Variants in PWWP3A observed in about 807,000 individuals in gnomAD.
The protein encoded by PWWP3A is PWWP domain containing 3A, DNA repair factor.
Under a neutral mutation model 79.0 loss-of-function variants are expected in PWWP3A, and 53 were observed. The ratio of observed to expected loss-of-function variants is 0.67; its 90% CI spans 0.54 to 0.84. PWWP3A has a LOEUF of 0.84. Among genes scored for constraint, PWWP3A ranks in the 40% least tolerant of loss-of-function variants. The pLI is 0.00. For missense variants in PWWP3A, 973 were observed against 948.0 expected (o/e 1.03, Z -0.35); for synonymous variants, 443 against 394.4 (o/e 1.12, Z -1.46).
rs908028639 is a variant in PWWP3A, at chr19:1,363,486, A to G, written c.1214-1023A>G. On this transcript the variant is annotated intron_variant, in intron 6 of 13. Transcript: ENST00000591337. ...AATCATTTCTGCAGGATCCGTTCGCACACACGAAGAGCACAGTGCCCTCGG... is the reference window on the plus strand; with the variant it reads ...AATCATTTCTGCAGGATCCGTTCGCGCACACGAAGAGCACAGTGCCCTCGG... Among the ~76,000 whole-genome samples the G allele has an allele frequency of 2.6e-5, 4 of 152,156 alleles. No individual in the cohort carries two copies. In the South Asian group the frequency reaches 6.2e-4, roughly 24 times the overall value.
chr19:1,376,906 C>T lies in PWWP3A; in HGVS notation c.*330C>T, dbSNP rs1054992391. ...CTGTGGTTTCTCCCGACGTGCACATCGATCTCGTATGTGTGGCATCTGATA... is the reference window on the plus strand; with the variant it reads ...CTGTGGTTTCTCCCGACGTGCACATTGATCTCGTATGTGTGGCATCTGATA... On this transcript the variant is annotated 3_prime_UTR_variant, in exon 14 of 14. Coordinates refer to ENST00000591337, the MANE Select transcript of PWWP3A (RefSeq NM_001369789.1). 17 of 224,010 alleles carry T rather than the reference C, an allele frequency of 7.6e-5. No homozygotes were observed. Among genetic ancestry groups the T allele is most frequent in the African/African-American group, 3.5e-4 (15 of 43,184 alleles). The allele number at this position is 224,010 out of a possible 1,614,324, so 13.9% of individuals were successfully genotyped here.
intron 13 of PWWP3A, among the ~76,000 whole-genome samples, chr19:1,375,438 C>T (rs1382735830): frequency 2.3e-5 from 3 of 127,936 alleles, no homozygotes; most frequent in Non-Finnish European, 3.1e-5. Flanking sequence ...TATATATAGC[C>T]ATATATATTT....
chr19:1,374,662 G>T (rs559069591), intron 13 of PWWP3A, among the ~76,000 whole-genome samples: 1 of 152,260 alleles, frequency 6.6e-6, no homozygotes, highest in African/African-American at 2.4e-5. Context: ...TGCTGAGAGG[G>T]GTTGCTAGCT....
intron 4 of PWWP3A, 155 bp downstream of exon 4, chr19:1,358,619 G>C: frequency 6.4e-7 from 1 of 1,555,192 alleles, no homozygotes; most frequent in Non-Finnish European, 8.6e-7. Flanking sequence ...GAAGGAGAAG[G>C]AAAAATGGAT....
chr19:1,367,095 G>A, intron 8 of PWWP3A, 65 bp from the exon 9 acceptor site: 1 of 1,343,790 alleles, frequency 7.4e-7, no homozygotes, highest in African/African-American at 1.5e-5. Context: ...TCAGAGACAG[G>A]GAAAGGTTTT....
rs1600120188 is a variant in PWWP3A, at chr19:1,369,725, G to A, written c.1549+79G>A. On this transcript the variant is annotated intron_variant, in intron 11 of 13. Coordinates refer to ENST00000591337, the MANE Select transcript of PWWP3A (RefSeq NM_001369789.1). This position sits in a 1 kb window ranked among gnomAD's most constrained non-coding sequence, Gnocchi z 4.0. ...AAAACAATCTTCTATGTCTGAAGCT[G>A]TGGAAGGGGACGTTGGGGTCAAGGC... The A allele has an allele frequency of 6.7e-7, 1 of 1,499,288 alleles. No individual in the cohort carries two copies. Among genetic ancestry groups the A allele is most frequent in the South Asian group, 1.1e-5 (1 of 88,770 alleles). 92.9% of individuals were successfully genotyped at this position (1,499,288 alleles called of 1,614,324 possible). A position where few individuals can be genotyped will look rare whatever the true frequency, so the allele number is the denominator to read the frequency against.
At position 1,360,672 on chromosome 19, in the gene PWWP3A, G is replaced by C; in HGVS notation, c.751G>C (p.Ala251Pro). 6.2e-7 allele frequency: 1 copy of C among 1,613,206 alleles called. No homozygotes were observed. ...CATGGGGAGCAAAGGAGGCAGCTGG[G>C]CAGCCCCGTCCTTGCCCTCCGGGGT... Reference protein sequence around the residue: ...RDMGSKGGSWAAPSLPSGVRE... With the variant: ...RDMGSKGGSWPAPSLPSGVRE... Residue 251 changes from alanine to proline, a missense_variant, in exon 5 of 14, where the codon GCA (alanine) becomes CCA (proline). Coordinates refer to ENST00000591337, the MANE Select transcript of PWWP3A (RefSeq NM_001369789.1). The surrounding 1 kb of genome is among the most constrained non-coding windows in gnomAD (Gnocchi z 4.4).
chr19:1,358,749 C>T (rs768200930), intron 4 of PWWP3A: 49 of 1,241,506 alleles, frequency 3.9e-5, no homozygotes, highest in Middle Eastern at 3.8e-4. Flanking sequence ...GTACACAAGA[C>T]GAGGAAGGAC....
In PWWP3A at chr19:1,370,968, G is replaced by T; in HGVS notation, c.1876G>T (p.Asp626Tyr). The part of the protein sequence containing the change: ...ETYLEDEGQL[D>Y]LVVKYLQGVY... ...CTACCTGGAGGATGAGGGGCAGCTG[G>T]ACCTGGTGGTGAAGTACCTGCAGGG... The change falls in exon 12 of 14, where the codon GAC becomes TAC. Residue 626 changes from aspartate to tyrosine, a missense_variant. Asp to Tyr is a radical substitution (Grantham distance 160). Transcript: ENST00000591337. 1 of 1,561,648 alleles carries T rather than the reference G, an allele frequency of 6.4e-7. No individual in the cohort carries two copies.
Position 1,360,382 on chromosome 19 carries a change from C to G in PWWP3A, c.461C>G (p.Pro154Arg). The stretch of plus-strand genomic sequence containing the variant: ...AGTTCCAGACCTCACAGGAGGAGGC[C>G]ATGTGTGCAACAAAGCCTGTCAAGT... The part of the protein sequence containing the change: ...LGSSRPHRRR[P>R]CVQQSLSSSF... The change falls in exon 5 of 14, where the codon CCA becomes CGA. Residue 154 changes from proline (P) to arginine (R), a missense_variant. Pro to Arg is a moderately radical substitution (Grantham distance 103). Coordinates refer to ENST00000591337, the MANE Select transcript of PWWP3A (RefSeq NM_001369789.1). The surrounding 1 kb of genome is among the most constrained non-coding windows in gnomAD (Gnocchi z 4.4). 6.2e-7 allele frequency: 1 copy of G among 1,614,096 alleles called. No individual in the cohort carries two copies. The highest frequency in any genetic ancestry group is 8.5e-7 in the Non-Finnish European group (1 of 1,180,034).
rs764431506 is a variant in PWWP3A, at chr19:1,371,328, A to G, written c.1986+250A>G. 5.7e-6 allele frequency: 4 copies of G among 707,494 alleles called. No individual in the cohort carries two copies. In the African/African-American group the frequency reaches 7.0e-5, roughly 12 times the overall value. 43.8% of individuals were successfully genotyped at this position (707,494 alleles called of 1,614,324 possible). ...GAGATGGAGCTGCTTAGAAGCTGTC[A>G]GCACCAGGGGGTGCGAACTCCCTCC... On this transcript the variant is annotated intron_variant, in intron 12 of 13. Transcript: ENST00000591337.
intron 3 of PWWP3A, 77 bp downstream of exon 3, chr19:1,357,171 C>T (rs573329525): frequency 9.3e-7 from 1 of 1,074,250 alleles, no homozygotes; most frequent in South Asian, 1.5e-5. Flanking sequence ...TCCCCCAAAA[C>T]AGTTGAAGCC....
In PWWP3A at chr19:1,373,082, G is replaced by C. The variant is rs768909887; in HGVS notation, c.1997G>C (p.Cys666Ser). The C allele has an allele frequency of 6.2e-7, 1 of 1,614,212 alleles. No individual in the cohort carries two copies. The highest frequency in any genetic ancestry group is 8.5e-7 in the Non-Finnish European group (1 of 1,180,038). ...CGTGCCCTCTCACAGGCCATCATCT[G>C]TGCGATCTCTGCGGTGGACGAGGTG... is the stretch of plus-strand genomic sequence containing the variant. Reference protein sequence around the residue: ...LDVLLPEAIICAISAVDEVDY... With the variant: ...LDVLLPEAIISAISAVDEVDY... Residue 666 changes from cysteine (C) to serine (S), a missense_variant, in exon 13 of 14, where the codon TGT (cysteine) becomes TCT (serine). Coordinates refer to ENST00000591337, the MANE Select transcript of PWWP3A (RefSeq NM_001369789.1).
intron 3 of PWWP3A, 196 bp downstream of exon 3, chr19:1,357,290 A>G (rs1457066491): frequency 3.8e-6 from 2 of 524,512 alleles, no homozygotes; most frequent in African/African-American, 3.8e-5. Context: ...GAAGCTGAAG[A>G]TCCAAACGAG....
At position 1,360,284 on chromosome 19, in the gene PWWP3A, G is replaced by A; in HGVS notation, c.363G>A (p.Gly121=). The A allele has an allele frequency of 6.2e-7, 1 of 1,614,034 alleles. No individual in the cohort carries two copies. Among genetic ancestry groups the A allele is most frequent in the Non-Finnish European group, 8.5e-7 (1 of 1,179,970 alleles). The change falls in exon 5 of 14, where the codon GGG becomes GGA. Residue 121 remains glycine, a synonymous_variant. Transcript: ENST00000591337. The surrounding 1 kb of genome is among the most constrained non-coding windows in gnomAD (Gnocchi z 4.4). ...GTGRADRSLR[G]KPMEHVSSPC... is the part of the protein sequence containing the mutation. ...GTAGAGCTGACCGGTCTCTGCGAGG[G>A]AAGCCCATGGAGCATGTCTCCTCGC...
At chr19:1,370,462 G>A (rs991931044) in intron 11 of PWWP3A, among the ~76,000 whole-genome samples, 180 bp from the exon 12 acceptor site, 2 of 152,118 alleles carry the variant, frequency 1.3e-5, no homozygotes, top group Non-Finnish European at 2.9e-5. Flanking sequence ...AAGGCCGGGG[G>A]TCCCAGCAGA....
In PWWP3A at chr19:1,360,771, C is replaced by T; in HGVS notation, c.850C>T (p.Pro284Ser). 6.2e-7 allele frequency: 1 copy of T among 1,610,578 alleles called. No homozygotes were observed. The highest frequency in any genetic ancestry group is 2.2e-5 in the East Asian group (1 of 44,846). ...GCCGTTGGGCAGCCTCACTGCGCCCCCAGCCCCTGAGCCCTCGGCCTGCTC... is the reference window on the plus strand; with the variant it reads ...GCCGTTGGGCAGCCTCACTGCGCCCTCAGCCCCTGAGCCCTCGGCCTGCTC... ...GLPLGSLTAP[P>S]APEPSACSEP... The change falls in exon 5 of 14, where the codon CCA (proline) becomes TCA (serine). Residue 284 changes from proline to serine, a missense_variant. Pro to Ser is a moderately conservative substitution (Grantham distance 74). Transcript: ENST00000591337. The surrounding 1 kb of genome is among the most constrained non-coding windows in gnomAD (Gnocchi z 4.4).
At chr19:1,375,699 TTAATA>T (rs1175604624) in intron 13 of PWWP3A, among the ~76,000 whole-genome samples, 2 of 115,998 alleles carry the variant, frequency 1.7e-5, no homozygotes, top group East Asian at 2.6e-4. Context: ...ATAAAACAAT[TTAATA>T]TATAATATAT....
chr19:1,373,047 T>C, intron 12 of PWWP3A, 25 bp from the exon 13 acceptor site: 1 of 1,610,658 alleles, frequency 6.2e-7, no homozygotes, highest in Non-Finnish European at 8.5e-7. Flanking sequence ...TGCCTGCTGC[T>C]ATTGAGCCCC....
Sources: gnomAD v4.1 joint callset for allele counts (sites outside exome capture counted in the v4.1 genomes callset) on GRCh38, gnomAD v4.1.1 for gene constraint, Gnocchi (gnomAD v3.1) non-coding constraint, MANE v1.5 for transcripts, NCBI Gene and HGNC (gene_info 2026-07-23, HGNC 2026-07-21) for gene names.